MNAT1: variants seen among roughly 807,000 people sequenced by gnomAD.
MNAT1 encodes MNAT1 component of CDK activating kinase.
In MNAT1, 43 loss-of-function variants were observed where a neutral mutation model predicts 42.0. The observed-to-expected ratio is 1.02, with a 90% CI of 0.80 to 1.32. The LOEUF (loss-of-function observed/expected upper bound fraction) is 1.32. MNAT1 is among the 40% of genes most tolerant of loss of function. MNAT1 has a pLI of 0.00. For synonymous variants in MNAT1, 118 were observed against 120.0 expected, an observed-to-expected ratio of 0.98 and a Z score of 0.11; for missense variants, 306 against 350.4, an observed-to-expected ratio of 0.87 and a Z score of 1.01.
At chr14:60,862,459 T>G (rs2034117520) in intron 6 of MNAT1, among the ~76,000 whole-genome samples, 1 of 152,156 alleles carries the variant, frequency 6.6e-6, no homozygotes, top group Non-Finnish European at 1.5e-5. Flanking sequence ...GCCCCTTAGT[T>G]CCCCTTTTAT....
intron 7 of MNAT1, among the ~76,000 whole-genome samples, chr14:60,889,878 A>G (rs1422609417): frequency 6.6e-6 from 1 of 152,246 alleles, no homozygotes; most frequent in African/African-American, 2.4e-5. Context: ...CATCAGAGAA[A>G]TGCAAATCAA....
At position 60,781,672 on chromosome 14, in the gene MNAT1, AT is replaced by A. The variant is rs770789013; in HGVS notation, c.90-14542del. Among the ~76,000 whole-genome samples, 157 of 152,142 alleles carry A rather than the reference AT, an allele frequency of 1.0e-3. 1 individual carries two copies. Among genetic ancestry groups the A allele is most frequent in the South Asian group, 1.0e-3 (5 of 4,816 alleles). Reference sequence around the variant, plus strand: ...AAATTTTTTTAGTTACTTTTAGGAAATTTCTGCCCTGATCTCGTAATTATAT... The same window carrying A: ...AAATTTTTTTAGTTACTTTTAGGAAATTCTGCCCTGATCTCGTAATTATAT... On this transcript the variant is annotated intron_variant, in intron 1 of 7. Coordinates refer to ENST00000261245, the MANE Select transcript of MNAT1 (RefSeq NM_002431.4).
chr14:60,794,648 A>ATATATATATATATAT (rs1453405051), intron 1 of MNAT1, among the ~76,000 whole-genome samples: 2 of 88,184 alleles, frequency 2.3e-5, no homozygotes, highest in African/African-American at 8.6e-5. Context: ...AAAAAAAAAA[A>ATATATATATATATAT]AAAAAAAAAA....
intron 7 of MNAT1, among the ~76,000 whole-genome samples, chr14:60,887,979 C>A (rs1024106503): frequency 1.3e-5 from 2 of 149,920 alleles, no homozygotes; most frequent in Non-Finnish European, 3.0e-5. Context: ...CAAAAAGAGT[C>A]CAGGACCAGA....
chr14:60,864,045 A>G (rs1464992198), intron 6 of MNAT1, among the ~76,000 whole-genome samples: 1 of 151,990 alleles, frequency 6.6e-6, no homozygotes, highest in Non-Finnish European at 1.5e-5. Context: ...TGCTTGTTAT[A>G]AAAACAAGAC....
At chr14:60,844,019 T>TCAAAA (rs1393306350) in intron 6 of MNAT1, among the ~76,000 whole-genome samples, 18 of 152,320 alleles carry the variant, frequency 1.2e-4, no homozygotes, top group African/African-American at 4.3e-4. Context: ...TAGTTGTATT[T>TCAAAA]GTAGAGAATA....
chr14:60,794,848 A>G (rs1000775308), intron 1 of MNAT1, among the ~76,000 whole-genome samples: 6 of 151,508 alleles, frequency 4.0e-5, no homozygotes, highest in South Asian at 2.1e-4. Flanking sequence ...GAAGAAATCA[A>G]CTCTTCCCTA....
In MNAT1 at chr14:60,968,551, T is replaced by C; in HGVS notation, c.*202T>C. On this transcript the variant is annotated 3_prime_UTR_variant, in exon 8 of 8. Coordinates refer to ENST00000261245, the MANE Select transcript of MNAT1 (RefSeq NM_002431.4). ...TTGTGAAAAATAATTTTTACTTATA[T>C]TTTTCAGAGGATTTGACACGATAAG... The C allele has an allele frequency of 7.3e-7, 1 of 1,369,192 alleles. No homozygotes were observed. Among genetic ancestry groups the C allele is most frequent in the Middle Eastern group, 1.9e-4 (1 of 5,238 alleles). 84.8% of individuals were successfully genotyped at this position (1,369,192 alleles called of 1,614,324 possible).
chr14:60,879,745 A>C lies in MNAT1; in HGVS notation c.719A>C (p.Lys240Thr), dbSNP rs780186579. 1 of 1,613,022 alleles carries C rather than the reference A, an allele frequency of 6.2e-7. No homozygotes were observed. The highest frequency in any genetic ancestry group is 1.7e-5 in the Admixed American group (1 of 59,958). The part of the protein sequence containing the change: ...GQHISLAPIH[K>T]LEEALYEYQP... ...CATATTTCACTGGCACCTATTCACAAGCTTGAAGAAGCTCTGTATGAATAC... is the reference window on the plus strand; with the variant it reads ...CATATTTCACTGGCACCTATTCACACGCTTGAAGAAGCTCTGTATGAATAC... The change falls in exon 7 of 8, where the codon AAG (lysine) becomes ACG (threonine). Residue 240 changes from lysine (K) to threonine (T), a missense_variant. Coordinates refer to ENST00000261245, the MANE Select transcript of MNAT1 (RefSeq NM_002431.4).
intron 7 of MNAT1, among the ~76,000 whole-genome samples, chr14:60,932,449 T>G (rs977655467): frequency 6.6e-6 from 1 of 152,026 alleles, no homozygotes; most frequent in Non-Finnish European, 1.5e-5. Flanking sequence ...TTAGAAAATT[T>G]GGAGGTTTTT....
chr14:60,832,969 C>A (rs146375696), intron 6 of MNAT1, among the ~76,000 whole-genome samples: 10 of 152,206 alleles, frequency 6.6e-5, no homozygotes, highest in African/African-American at 2.4e-4. Flanking sequence ...CATGATTTGG[C>A]TCTCTGCTTG....
intron 7 of MNAT1, among the ~76,000 whole-genome samples, chr14:60,965,904 A>G (rs2036673563): frequency 1.3e-5 from 2 of 152,176 alleles, no homozygotes; most frequent in Admixed American, 6.5e-5. Flanking sequence ...TATTATTTGT[A>G]TGATAGTTAT....
At chr14:60,890,222 G>C (rs566079764) in intron 7 of MNAT1, among the ~76,000 whole-genome samples, 15 of 152,188 alleles carry the variant, frequency 9.9e-5, no homozygotes, top group Middle Eastern at 3.4e-3. Context: ...CAATGATAGA[G>C]CGGATTAAGA....
At chr14:60,756,531 T>G (rs1455576074) in intron 1 of MNAT1, among the ~76,000 whole-genome samples, 3 of 152,210 alleles carry the variant, frequency 2.0e-5, no homozygotes, top group Admixed American at 6.5e-5. Context: ...CAGTGTCTTA[T>G]GGATTGCTTA....
chr14:60,799,488 A>G (rs2032131922), intron 3 of MNAT1: 1 of 802,722 alleles, frequency 1.2e-6, no homozygotes, highest in African/African-American at 1.9e-5. Context: ...TCTAAAGGTA[A>G]TGTGATTAGT....
intron 7 of MNAT1, among the ~76,000 whole-genome samples, chr14:60,906,828 G>A (rs1316549670): frequency 6.6e-6 from 1 of 152,120 alleles, no homozygotes; most frequent in Non-Finnish European, 1.5e-5. Context: ...AAAAATCACT[G>A]TAATTACTTT....
At chr14:60,773,086 C>T (rs540751236) in intron 1 of MNAT1, among the ~76,000 whole-genome samples, 72 of 151,908 alleles carry the variant, frequency 4.7e-4, no homozygotes, top group African/African-American at 1.5e-3. Context: ...TACAGGCACA[C>T]GCCACCACAT....
chr14:60,852,929 T>C (rs967520276), intron 6 of MNAT1, among the ~76,000 whole-genome samples: 3 of 152,238 alleles, frequency 2.0e-5, no homozygotes, highest in Non-Finnish European at 4.4e-5. Flanking sequence ...AACAGTATCA[T>C]GCTGTTTTGG....
intron 1 of MNAT1, among the ~76,000 whole-genome samples, chr14:60,793,224 T>G (rs958160034): frequency 6.6e-6 from 1 of 151,960 alleles, no homozygotes; most frequent in East Asian, 1.9e-4. Flanking sequence ...TGTTTTTTTG[T>G]AGGAATGAGG....
Sources: gnomAD v4.1 joint callset for allele counts (sites outside exome capture counted in the v4.1 genomes callset) on GRCh38, gnomAD v4.1.1 for gene constraint, MANE v1.5 for transcripts, NCBI Gene and HGNC (gene_info 2026-07-23, HGNC 2026-07-21) for gene names.